RICTOR: variants seen among roughly 807,000 people sequenced by gnomAD.
The protein encoded by RICTOR is rapamycin-insensitive companion of mTOR.
A neutral mutation model predicts 214.9 loss-of-function variants in RICTOR; 49 were observed. The ratio of observed to expected loss-of-function variants is 0.23; its 90% confidence interval spans 0.18 to 0.29. The LOEUF (loss-of-function observed/expected upper bound fraction) is 0.29, where lower values mean the gene tolerates loss of function less well. RICTOR is among the 10% of genes least tolerant of loss of function. The pLI, the probability that RICTOR is intolerant of heterozygous loss-of-function variation, is 1.00. For synonymous variants in RICTOR, 717 were observed against 711.3 expected (o/e 1.01, Z -0.13); for missense variants, 1,625 against 2,047.0 (o/e 0.79, Z 3.98).
At position 38,971,998 on chromosome 5, in the gene RICTOR, A is replaced by G. The variant is rs1750827473; in HGVS notation, c.890-39T>C. The G allele has an allele frequency of 3.3e-6, 3 of 910,148 alleles. No individual in the cohort carries two copies. In the South Asian group the frequency reaches 4.5e-5, roughly 14 times the overall value. The allele number at this position is 910,148 out of a possible 1,614,324, so 56.4% of individuals were successfully genotyped here. On this transcript the variant is annotated intron_variant, in intron 10 of 37. Coordinates refer to ENST00000357387, the MANE Select transcript of RICTOR (RefSeq NM_152756.5). ...AAAGAAAAAAAAATCACTGACATGA[A>G]TTTCAAAAAAATTTCTATGGCAATG...
chr5:38,962,701 G>A (rs1397008137), intron 17 of RICTOR, 115 bp from the exon 18 acceptor site: 13 of 808,958 alleles, frequency 1.6e-5, no homozygotes, highest in Non-Finnish European at 2.3e-5. Flanking sequence ...ATAGATCAAG[G>A]TTTTTTAACT....
At chr5:39,005,899 G>A (rs762729446) in intron 3 of RICTOR, among the ~76,000 whole-genome samples, 3 of 152,152 alleles carry the variant, frequency 2.0e-5, no homozygotes, top group African/African-American at 7.2e-5. Context: ...CTAGTCCAAG[G>A]AGGATGAAAA....
intron 20 of RICTOR, 129 bp downstream of exon 20, chr5:38,960,266 TTTC>T (rs1749680992): frequency 1.1e-6 from 1 of 920,828 alleles, no homozygotes; most frequent in Non-Finnish European, 1.7e-6. Context: ...TCTGGGATCA[TTTC>T]TTATGTTTCC....
At chr5:39,035,815 G>A (rs189096475) in intron 2 of RICTOR, among the ~76,000 whole-genome samples, 4 of 152,350 alleles carry the variant, frequency 2.6e-5, no homozygotes, top group African/African-American at 7.2e-5. Context: ...ATGGGACTAT[G>A]TAAAAAGACC....
chr5:39,042,705 T>TGTCATC (rs1433364005), intron 2 of RICTOR, among the ~76,000 whole-genome samples: 2 of 152,232 alleles, frequency 1.3e-5, no homozygotes, highest in African/African-American at 4.8e-5. Flanking sequence ...ACCAATGTGA[T>TGTCATC]GTCATCCAAA....
Position 38,952,554 on chromosome 5 carries a change from A to G in RICTOR, c.2898-129T>C, listed in dbSNP as rs200705524. The G allele has an allele frequency of 7.4e-3, 5 of 678 alleles. No individual in the cohort carries two copies. The East Asian group carries it at 0.31, about 42-fold the overall frequency. 0.0% of individuals were successfully genotyped at this position (678 alleles called of 1,614,324 possible). ...CCCACCAAAATGGTTGCGTTTGTGG[A>G]AAAAAAAAAACTTATTAAGACTAGT... On this transcript the variant is annotated intron_variant, in intron 29 of 37. Transcript: ENST00000357387.
At chr5:39,040,886 G>C (rs1757115245) in intron 2 of RICTOR, among the ~76,000 whole-genome samples, 2 of 152,076 alleles carry the variant, frequency 1.3e-5, no homozygotes, top group Admixed American at 6.6e-5. Context: ...CATTCCTGGA[G>C]ATCAAAATTA....
intron 2 of RICTOR, among the ~76,000 whole-genome samples, chr5:39,071,207 C>T (rs1759294556): frequency 6.6e-6 from 1 of 152,178 alleles, no homozygotes; most frequent in African/African-American, 2.4e-5. Context: ...TACAGTATCA[C>T]ATTTTATCCT....
Position 38,964,893 on chromosome 5 carries a change from C to A in RICTOR, c.1300-1G>T. The A allele has an allele frequency of 6.3e-7, 1 of 1,586,140 alleles. No homozygotes were observed. Among genetic ancestry groups the A allele is most frequent in the Admixed American group, 1.7e-5 (1 of 58,830 alleles). On this transcript the variant is annotated splice_acceptor_variant, in intron 15 of 37. Transcript: ENST00000357387. LOFTEE classifies it high-confidence loss of function. The stretch of plus-strand genomic sequence containing the variant: ...GTGAATGAGGAAGAATTGTGTTTGC[C>A]TAAAATGAAGCATAACATTTTACAT...
intron 21 of RICTOR, among the ~76,000 whole-genome samples, chr5:38,959,547 A>G (rs540456458): frequency 6.6e-6 from 1 of 152,282 alleles, no homozygotes; most frequent in Admixed American, 6.5e-5. Flanking sequence ...TGGAGTGGGA[A>G]GAGCATGAAG....
chr5:39,010,646 T>C (rs540283693), intron 3 of RICTOR, among the ~76,000 whole-genome samples: 2 of 152,122 alleles, frequency 1.3e-5, no homozygotes, highest in African/African-American at 2.4e-5. Context: ...GAGGAACTTG[T>C]TGGGAACTGG....
intron 5 of RICTOR, among the ~76,000 whole-genome samples, chr5:38,998,437 T>G (rs1381312330): frequency 6.6e-6 from 1 of 152,168 alleles, no homozygotes; most frequent in African/African-American, 2.4e-5. Flanking sequence ...TCTGCCCGCC[T>G]AGGCCTCCCA....
At chr5:38,956,390 A>G (rs1381382893) in intron 25 of RICTOR, among the ~76,000 whole-genome samples, 1 of 152,042 alleles carries the variant, frequency 6.6e-6, no homozygotes, top group Non-Finnish European at 1.5e-5. Context: ...GGCCTTTTAC[A>G]ATCTAGCTTT....
intron 2 of RICTOR, among the ~76,000 whole-genome samples, chr5:39,066,083 G>C (rs775426872): frequency 2.0e-5 from 3 of 152,186 alleles, no homozygotes; most frequent in Non-Finnish European, 4.4e-5. Flanking sequence ...CCTCAATGAG[G>C]GCTCCACCCC....
intron 15 of RICTOR, 91 bp from the exon 16 acceptor site, chr5:38,964,983 A>G: frequency 1.5e-6 from 1 of 645,506 alleles, no homozygotes; most frequent in Non-Finnish European, 2.6e-6. Context: ...TGTATTCAAG[A>G]CTATTACAAA....
chr5:39,073,268 GGAAGA>G (rs1422014233), intron 2 of RICTOR, among the ~76,000 whole-genome samples: 2 of 152,048 alleles, frequency 1.3e-5, no homozygotes, highest in Non-Finnish European at 2.9e-5. Context: ...TGTTTACCGT[GGAAGA>G]GAAAAGAATC....
chr5:39,012,473 GATACAAGAAGAA>G (rs1754605708), intron 3 of RICTOR, among the ~76,000 whole-genome samples: 1 of 152,122 alleles, frequency 6.6e-6, no homozygotes, highest in South Asian at 2.1e-4. Flanking sequence ...TACTATGAAA[GATACAAGAAGAA>G]ATAGAAGAAC....
Position 38,966,673 on chromosome 5 carries a change from C to T in RICTOR, c.1267G>A (p.Ala423Thr). 1 of 1,593,950 alleles carries T rather than the reference C, an allele frequency of 6.3e-7. No homozygotes were observed. The highest frequency in any genetic ancestry group is 8.6e-7 in the Non-Finnish European group (1 of 1,164,204). The change falls in exon 15 of 38, where the codon GCT (alanine) becomes ACT (threonine). Residue 423 changes from alanine (A) to threonine (T), a missense_variant. By Grantham distance (58) the Ala-to-Thr change is moderately conservative. This residue lies in a region of RICTOR where 1,214 missense variants were observed against 1,470.5 expected (regional missense o/e 0.83). Coordinates refer to ENST00000357387, the MANE Select transcript of RICTOR (RefSeq NM_152756.5). ...AAAAGCTCTCCTAAAAGGATGGTAG[C>T]TCTAACTGAGATATGATCATCACTG... is the stretch of plus-strand genomic sequence containing the variant. Reference protein sequence around the residue: ...TNSDDHISVRATILLGELLHM... With the variant: ...TNSDDHISVRTTILLGELLHM...
chr5:38,958,471 C>G lies in RICTOR; in HGVS notation c.2392G>C (p.Gly798Arg), dbSNP rs138594186. The change falls in exon 24 of 38, where the codon GGA becomes CGA. Residue 798 changes from glycine to arginine, a missense_variant. Coordinates refer to ENST00000357387, the MANE Select transcript of RICTOR (RefSeq NM_152756.5). ...IQMKPALSHL[G>R]DKGLLLLLRF... ...AGCAGGAGAAGCAAACCCTTGTCTCCAAGGTGGGATAACGCTGGTTTCATC... is the reference window on the plus strand; with the variant it reads ...AGCAGGAGAAGCAAACCCTTGTCTCGAAGGTGGGATAACGCTGGTTTCATC... 1 of 1,611,500 alleles carries G rather than the reference C, an allele frequency of 6.2e-7. No homozygotes were observed. The highest frequency in any genetic ancestry group is 1.3e-5 in the African/African-American group (1 of 74,904).
Sources: gnomAD v4.1 joint callset for allele counts (sites outside exome capture counted in the v4.1 genomes callset) on GRCh38, gnomAD v4.1.1 for gene constraint, gnomAD v4.1.1 regional missense constraint, MANE v1.5 for transcripts, NCBI Gene and HGNC (gene_info 2026-07-23, HGNC 2026-07-21) for gene names.